SNTG2: variants seen among roughly 807,000 people sequenced by gnomAD.
SNTG2 encodes the protein gamma-2-syntrophin.
A neutral mutation model predicts 70.9 loss-of-function variants in SNTG2; 74 were observed. That is an observed-to-expected ratio of 1.04 (90% CI 0.86 to 1.27). The LOEUF (loss-of-function observed/expected upper bound fraction) is 1.27, where lower values mean the gene tolerates loss of function less well. SNTG2 is among the 50% of genes most tolerant of loss of function. SNTG2 has a pLI of 0.00. For missense variants in SNTG2, 717 were observed against 690.7 expected, an observed-to-expected ratio of 1.04 and a Z score of -0.43; for synonymous variants, 278 against 273.8, an observed-to-expected ratio of 1.02 and a Z score of -0.15.
At chr2:1,182,743 G>GT (rs1671999925) in intron 8 of SNTG2, among the ~76,000 whole-genome samples, 1 of 151,982 alleles carries the variant, frequency 6.6e-6, no homozygotes, top group Non-Finnish European at 1.5e-5. Context: ...AAAATAATCA[G>GT]TTTTTTTGTT....
At chr2:1,270,261 A>G (rs1393929995) in intron 14 of SNTG2, among the ~76,000 whole-genome samples, 1 of 152,190 alleles carries the variant, frequency 6.6e-6, no homozygotes, top group African/African-American at 2.4e-5. Context: ...CTCCCTCTTC[A>G]TGAATTAGAG....
chr2:1,140,691 T>A (rs1027503481), intron 6 of SNTG2, among the ~76,000 whole-genome samples: 2 of 152,254 alleles, frequency 1.3e-5, no homozygotes, highest in African/African-American at 4.8e-5. Context: ...CAAGAAGCTT[T>A]ACAGAATGTC....
At chr2:1,137,359 G>C (rs1447550544) in intron 4 of SNTG2, among the ~76,000 whole-genome samples, 1 of 150,132 alleles carries the variant, frequency 6.7e-6, no homozygotes, top group African/African-American at 2.5e-5. Flanking sequence ...GTACACACAG[G>C]CATGCACATA....
intron 4 of SNTG2, among the ~76,000 whole-genome samples, chr2:1,111,598 G>C (rs1666443966): frequency 6.6e-6 from 1 of 152,212 alleles, no homozygotes; most frequent in Admixed American, 6.5e-5. Flanking sequence ...GGACCTTCCT[G>C]TAAGATGAAA....
intron 1 of SNTG2, among the ~76,000 whole-genome samples, chr2:960,862 G>A (rs753376216): frequency 6.6e-6 from 1 of 152,144 alleles, no homozygotes; most frequent in African/African-American, 2.4e-5. Context: ...TGTTGGTTCT[G>A]AAGGGGGTGC....
chr2:1,045,957 C>T (rs1395589292), intron 1 of SNTG2, among the ~76,000 whole-genome samples: 1 of 152,070 alleles, frequency 6.6e-6, no homozygotes, highest in Non-Finnish European at 1.5e-5. Flanking sequence ...CTAGTACTGT[C>T]AGTGGGGTGT....
At chr2:1,011,279 G>T (rs1159047582) in intron 1 of SNTG2, among the ~76,000 whole-genome samples, 1 of 152,220 alleles carries the variant, frequency 6.6e-6, no homozygotes, top group African/African-American at 2.4e-5. Flanking sequence ...TTTCTCAGCT[G>T]CTAGGTCCAA....
intron 7 of SNTG2, among the ~76,000 whole-genome samples, chr2:1,167,587 CT>C (rs1670812785): frequency 7.7e-6 from 1 of 130,466 alleles, no homozygotes; most frequent in African/African-American, 2.9e-5. Context: ...GAACTGAAGC[CT>C]AGAAGCCGCC....
At chr2:1,268,505 GA>G (rs2148185916) in intron 14 of SNTG2, among the ~76,000 whole-genome samples, 1 of 152,258 alleles carries the variant, frequency 6.6e-6, no homozygotes, top group African/African-American at 2.4e-5. Flanking sequence ...GATCTTCATA[GA>G]AACTGATGCC....
intron 14 of SNTG2, among the ~76,000 whole-genome samples, chr2:1,297,598 G>A (rs779678488): frequency 5.3e-5 from 8 of 151,820 alleles, no homozygotes; most frequent in Non-Finnish European, 2.9e-5. Context: ...GGCCCAGCCC[G>A]TCGCCTCTGC....
chr2:961,938 T>C (rs990439384), intron 1 of SNTG2, among the ~76,000 whole-genome samples: 5 of 152,212 alleles, frequency 3.3e-5, no homozygotes, highest in Admixed American at 1.3e-4. Flanking sequence ...AAATTTACTT[T>C]TTAGAACAGC....
At chr2:1,010,422 C>T (rs1325907657) in intron 1 of SNTG2, among the ~76,000 whole-genome samples, 1 of 152,178 alleles carries the variant, frequency 6.6e-6, no homozygotes, top group Admixed American at 6.5e-5. Context: ...CGACAATCAG[C>T]CTCATGAGCG....
intron 8 of SNTG2, among the ~76,000 whole-genome samples, chr2:1,189,089 A>G (rs1360826144): frequency 6.6e-6 from 1 of 152,192 alleles, no homozygotes; most frequent in East Asian, 1.9e-4. Flanking sequence ...TAATGTGGAT[A>G]TAATGAGAGA....
chr2:1,155,166 T>C (rs1669792409), intron 6 of SNTG2, among the ~76,000 whole-genome samples: 1 of 10,728 alleles, frequency 9.3e-5, no homozygotes, highest in Non-Finnish European at 1.7e-4. Context: ...CACACACACG[T>C]AGACCCCCCC....
rs371787532 is a variant in SNTG2 at position 1,137,834 on chromosome 2, A to G, written c.411+25A>G. Reference sequence around the variant, plus strand: ...GGTAAGTGAATTACATTTTATAGTTATTCTGTTTATTATTCTTGTATTTGA... The same window carrying G: ...GGTAAGTGAATTACATTTTATAGTTGTTCTGTTTATTATTCTTGTATTTGA... On this transcript the variant is annotated intron_variant, in intron 6 of 16. Coordinates refer to ENST00000308624, the MANE Select transcript of SNTG2 (RefSeq NM_018968.4). 8.9e-6 allele frequency: 14 copies of G among 1,577,252 alleles called. No homozygotes were observed. The African/African-American group carries it at 1.8e-4, about 20-fold the overall frequency.
chr2:985,065 T>G (rs928308933), intron 1 of SNTG2, among the ~76,000 whole-genome samples: 3 of 152,152 alleles, frequency 2.0e-5, no homozygotes, highest in African/African-American at 7.2e-5. Context: ...CCTCAATTTG[T>G]GAAGACAAAA....
chr2:1,051,307 C>T (rs1425040937), intron 1 of SNTG2, among the ~76,000 whole-genome samples: 1 of 152,030 alleles, frequency 6.6e-6, no homozygotes, highest in African/African-American at 2.4e-5. Context: ...CATTCCTTTT[C>T]TCAGGAATTT....
intron 14 of SNTG2, among the ~76,000 whole-genome samples, chr2:1,296,046 G>A (rs534137011): frequency 3.5e-5 from 5 of 141,748 alleles, no homozygotes; most frequent in South Asian, 2.4e-4. Flanking sequence ...TGAGTCTCCC[G>A]TGTTGGGGTG....
chr2:1,267,458 A>T lies in SNTG2; in HGVS notation c.1171A>T (p.Ile391Phe), dbSNP rs13023962. The T allele has an allele frequency of 6.2e-6, 10 of 1,613,194 alleles. No homozygotes were observed. In the African/African-American group the frequency reaches 1.2e-4, roughly 19 times the overall value. ...FEDQRPYCFS[I>F]VAGHGKSHVF... is the part of the protein sequence containing the mutation. ...GGACCAGAGGCCCTATTGCTTCAGC[A>T]TCGTGGCCGGCCATGGGAAGAGCCA... The change falls in exon 14 of 17, where the codon ATC becomes TTC. Residue 391 changes from isoleucine (I) to phenylalanine (F), a missense_variant. Ile to Phe is a conservative substitution (Grantham distance 21). Transcript: ENST00000308624.
Sources: allele counts gnomAD v4.1 joint callset (sites outside exome capture counted in the v4.1 genomes callset), GRCh38; gene constraint gnomAD v4.1.1; transcripts MANE v1.5; gene names NCBI Gene and HGNC (gene_info 2026-07-23, HGNC 2026-07-21).